Variants in COL5A1 observed in about 807,000 individuals in gnomAD.
COL5A1 encodes the protein collagen alpha-1(V) chain.
Under a neutral mutation model 263.7 loss-of-function variants are expected in COL5A1, and 16 were observed. The ratio of observed to expected loss-of-function variants is 0.06; its 90% CI spans 0.04 to 0.09. The LOEUF is 0.09. Ranked by LOEUF, COL5A1 falls within the 10% of genes least tolerant of loss-of-function variation. COL5A1 has a pLI of 1.00. For synonymous variants in COL5A1, 1,012 were observed against 1,004.5 expected (o/e 1.01, Z -0.14); for missense variants, 2,036 against 2,540.5 (o/e 0.80, Z 4.27).
At chr9:134,662,586 G>A (rs1046005490) in intron 1 of COL5A1, among the ~76,000 whole-genome samples, 6 of 152,330 alleles carry the variant, frequency 3.9e-5, no homozygotes, top group Admixed American at 3.9e-4. Flanking sequence ...ATGGGAGGCT[G>A]AGGGTAGAAG....
intron 18 of COL5A1, among the ~76,000 whole-genome samples, chr9:134,761,372 A>G (rs1463234287): frequency 2.0e-5 from 3 of 152,126 alleles, no homozygotes; most frequent in Admixed American, 6.5e-5. Flanking sequence ...GCAGCCCTCC[A>G]TGATGCCTTG....
At position 134,789,873 on chromosome 9, in the gene COL5A1, A is replaced by G. The variant is rs760626426; in HGVS notation, c.2700+665A>G. On this transcript the variant is annotated intron_variant, in intron 32 of 65. Coordinates refer to ENST00000371817, the MANE Select transcript of COL5A1 (RefSeq NM_000093.5). The surrounding 1 kb of genome is among the most constrained non-coding windows in gnomAD (Gnocchi z 4.8). ...AGTGCCTGAGCATTGCCACTTGGGA[A>G]AACAGGAGAGAGATGGTCCTCAGGC... is the stretch of plus-strand genomic sequence containing the variant. Among the ~76,000 whole-genome samples, 2 of 152,216 alleles carry G rather than the reference A, an allele frequency of 1.3e-5. No individual in the cohort carries two copies. Among genetic ancestry groups the G allele is most frequent in the African/African-American group, 2.4e-5 (1 of 41,452 alleles).
At chr9:134,771,421 C>A (rs1445947707) in intron 25 of COL5A1, among the ~76,000 whole-genome samples, 1 of 152,228 alleles carries the variant, frequency 6.6e-6, no homozygotes, top group Non-Finnish European at 1.5e-5. Context: ...CACGTCCCCT[C>A]CCAGCTGGAG....
chr9:134,732,287 T>G, intron 9 of COL5A1, 160 bp downstream of exon 9: 1 of 734,400 alleles, frequency 1.4e-6, no homozygotes, highest in Non-Finnish European at 2.5e-6. Flanking sequence ...GCACCACTTG[T>G]CCCCAGGACT....
chr9:134,788,047 G>A (rs962125960), intron 31 of COL5A1, among the ~76,000 whole-genome samples: 1 of 152,172 alleles, frequency 6.6e-6, no homozygotes, highest in African/African-American at 2.4e-5. Flanking sequence ...GTATGTGGGT[G>A]TGTAGGCAGA....
chr9:134,705,506 A>G (rs952516388), intron 4 of COL5A1, among the ~76,000 whole-genome samples: 3 of 152,236 alleles, frequency 2.0e-5, no homozygotes, highest in Non-Finnish European at 4.4e-5. Context: ...CATGGAGGGC[A>G]TTCTGCCGGC....
At chr9:134,734,598 G>A (rs1835028656) in intron 9 of COL5A1, among the ~76,000 whole-genome samples, 3 of 152,234 alleles carry the variant, frequency 2.0e-5, no homozygotes, top group Admixed American at 1.3e-4. Context: ...ATCTGTTCCA[G>A]GGGCATGCCC....
At position 134,774,910 on chromosome 9, in the gene COL5A1, A is replaced by C; in HGVS notation, c.2383A>C (p.Lys795Gln). 6.2e-7 allele frequency: 1 copy of C among 1,613,456 alleles called. No homozygotes were observed. The highest frequency in any genetic ancestry group is 8.5e-7 in the Non-Finnish European group (1 of 1,179,732). Residue 795 changes from lysine to glutamine, a missense_variant and splice_region_variant, in exon 27 of 66, where the codon AAG becomes CAG. This residue lies in a region of COL5A1 where 1,078 missense variants were observed against 1,521.4 expected (regional missense o/e 0.71). Transcript: ENST00000371817. ...PIGYPGPRGV[K>Q]GADGIRGLKG... ...TGGCTACCCAGGTCCTCGAGGAGTC[A>C]AGGTGAGAGAGACTCACGCCACTCC...
intron 52 of COL5A1, 97 bp downstream of exon 52, chr9:134,816,085 C>G: frequency 8.5e-7 from 1 of 1,171,184 alleles, no homozygotes. Context: ...AAACTCCAAC[C>G]TAGTTGATAT....
rs1030334257 is a variant in COL5A1 at position 134,652,352 on chromosome 9, G to C, written c.109+10056G>C. ...GACCCAGTGTAACACGGCTCTGCTG[G>C]GTGGGGCAAGGAGATGCCCCAGGTG... On this transcript the variant is annotated intron_variant, in intron 1 of 65. Coordinates refer to ENST00000371817, the MANE Select transcript of COL5A1 (RefSeq NM_000093.5). This position sits in a 1 kb window ranked among gnomAD's most constrained non-coding sequence, Gnocchi z 4.4. Among the ~76,000 whole-genome samples the C allele has an allele frequency of 4.6e-5, 7 of 151,774 alleles. No individual in the cohort carries two copies. The highest frequency in any genetic ancestry group is 1.7e-4 in the African/African-American group (7 of 41,284).
intron 6 of COL5A1, among the ~76,000 whole-genome samples, chr9:134,729,511 TGAGA>T (rs373115489): frequency 2.3e-5 from 3 of 130,414 alleles, no homozygotes; most frequent in Middle Eastern, 4.5e-3. Flanking sequence ...TGCGTGTGTG[TGAGA>T]GTGTGTGTGA....
chr9:134,777,962 A>G (rs1837112296), intron 27 of COL5A1, among the ~76,000 whole-genome samples: 1 of 152,246 alleles, frequency 6.6e-6, no homozygotes, highest in Non-Finnish European at 1.5e-5. Context: ...TTCAGAGGAA[A>G]TAAGCAGAAT....
At chr9:134,668,950 C>CCAT (rs1832440261) in intron 1 of COL5A1, among the ~76,000 whole-genome samples, 1 of 118,820 alleles carries the variant, frequency 8.4e-6, no homozygotes, top group Non-Finnish European at 1.9e-5. Context: ...CTTCCACCCA[C>CCAT]CCACCCATCC....
At chr9:134,727,849 G>C (rs1482033074) in intron 5 of COL5A1, among the ~76,000 whole-genome samples, 1 of 152,160 alleles carries the variant, frequency 6.6e-6, no homozygotes. Flanking sequence ...AGTGGCAGCC[G>C]TGCCTGACAC....
At position 134,681,298 on chromosome 9, in the gene COL5A1, G is replaced by A. The variant is rs541915464; in HGVS notation, c.110-9614G>A. ...TACAGGAAGGGAACTAGGAGGGACA[G>A]CCGCCCTTCCCCGGCTCTGCAGGGC... is the stretch of plus-strand genomic sequence containing the variant. On this transcript the variant is annotated intron_variant, in intron 1 of 65. Coordinates refer to ENST00000371817, the MANE Select transcript of COL5A1 (RefSeq NM_000093.5). This position sits in a 1 kb window ranked among gnomAD's most constrained non-coding sequence, Gnocchi z 4.3. Among the ~76,000 whole-genome samples, 103 of 152,356 alleles carry A rather than the reference G, an allele frequency of 6.8e-4. No individual in the cohort carries two copies. Among genetic ancestry groups the A allele is most frequent in the African/African-American group, 2.2e-3 (92 of 41,588 alleles).
chr9:134,685,102 C>T (rs1480164621), intron 1 of COL5A1, among the ~76,000 whole-genome samples: 5 of 133,000 alleles, frequency 3.8e-5, no homozygotes, highest in South Asian at 2.8e-4. Flanking sequence ...CATCCATCCA[C>T]CATCCATCCA....
intron 1 of COL5A1, among the ~76,000 whole-genome samples, chr9:134,685,807 T>G (rs1833054511): frequency 7.2e-6 from 1 of 139,158 alleles, no homozygotes; most frequent in African/African-American, 2.7e-5. Context: ...CATCCATCTA[T>G]CCATCCATTC....
chr9:134,694,795 G>A (rs1374183762), intron 2 of COL5A1, among the ~76,000 whole-genome samples: 2 of 152,162 alleles, frequency 1.3e-5, no homozygotes, highest in African/African-American at 2.4e-5. Flanking sequence ...CTTCCCAGTG[G>A]GGTCCCAGGC....
In COL5A1 at chr9:134,803,647, A is replaced by C. The variant is rs544976697; in HGVS notation, c.3114+652A>C. Among the ~76,000 whole-genome samples, 7 of 152,110 alleles carry C rather than the reference A, an allele frequency of 4.6e-5. No homozygotes were observed. The South Asian group carries it at 1.5e-3, about 32-fold the overall frequency. ...TGAAACTCTGTTTTTAAAAACAAAA[A>C]ACAAAAAACACAGTGAAACCCCGTT... On this transcript the variant is annotated intron_variant, in intron 39 of 65. Coordinates refer to ENST00000371817, the MANE Select transcript of COL5A1 (RefSeq NM_000093.5).
Sources: allele counts gnomAD v4.1 joint callset (sites outside exome capture counted in the v4.1 genomes callset), GRCh38; gene constraint gnomAD v4.1.1; regional missense constraint gnomAD v4.1.1; non-coding constraint Gnocchi (gnomAD v3.1); transcripts MANE v1.5; gene names NCBI Gene and HGNC (gene_info 2026-07-23, HGNC 2026-07-21).